FAM200B: variants seen among roughly 807,000 people sequenced by gnomAD.
FAM200B encodes the protein zinc finger BED-type containing 11.
In FAM200B, 32 loss-of-function variants were observed where a neutral mutation model predicts 33.1. The ratio of observed to expected loss-of-function variants is 0.97; its 90% confidence interval spans 0.73 to 1.30. The LOEUF (loss-of-function observed/expected upper bound fraction) is 1.30. FAM200B is among the 50% of genes most tolerant of loss of function. The pLI is 0.00. For missense variants in FAM200B, 741 were observed against 754.0 expected (o/e 0.98, Z 0.20); for synonymous variants, 240 against 264.8 (o/e 0.91, Z 0.91).
chr4:15,655,393 CGTCGGCGCGCGCGCCCGGTCG>C, the FAM200B span: 1 of 1,038,194 alleles, frequency 9.6e-7, no homozygotes, highest in South Asian at 4.5e-5. Context: ...GCGCCCGCCC[CGTCGGCGCGCGCGCCCGGTCG>C]GCTTGGCCGG....
the FAM200B span, among the ~76,000 whole-genome samples, chr4:15,659,229 A>G: frequency 1.3e-5 from 2 of 152,260 alleles, no homozygotes; most frequent in Admixed American, 6.5e-5. Flanking sequence ...GTAGGCATAC[A>G]TAGTAGGCAT....
the FAM200B span, chr4:15,656,095 C>T: frequency 1.8e-4 from 77 of 439,820 alleles, no homozygotes; most frequent in African/African-American, 1.1e-3. Context: ...TGCAGGAACG[C>T]GGGTCAGGGA....
the FAM200B span, among the ~76,000 whole-genome samples, chr4:15,641,295 A>G: frequency 1.4e-4 from 22 of 152,136 alleles, no homozygotes; most frequent in Non-Finnish European, 2.9e-4. Flanking sequence ...TTGACCCTTG[A>G]ACAACACAGG....
At chr4:15,666,506 G>A in the FAM200B span, among the ~76,000 whole-genome samples, 1 of 152,154 alleles carries the variant, frequency 6.6e-6, no homozygotes, top group Non-Finnish European at 1.5e-5. Context: ...AGAGGCTGTG[G>A]GGGTGGGAAT....
At chr4:15,671,635 T>C in the FAM200B span, among the ~76,000 whole-genome samples, 2 of 152,284 alleles carry the variant, frequency 1.3e-5, no homozygotes, top group South Asian at 2.1e-4. Context: ...TGTGGGTTTA[T>C]GGTTTCCATC....
At chr4:15,668,335 GAA>G in the FAM200B span, among the ~76,000 whole-genome samples, 3 of 151,634 alleles carry the variant, frequency 2.0e-5, no homozygotes, top group African/African-American at 7.3e-5. Context: ...AAATAATCAA[GAA>G]TGATGAAGTA....
At chr4:15,675,075 G>A in the FAM200B span, among the ~76,000 whole-genome samples, 2 of 152,232 alleles carry the variant, frequency 1.3e-5, no homozygotes, top group African/African-American at 4.8e-5. Context: ...AACACTTTAT[G>A]CATCAAAACA....
In FAM200B at chr4:15,686,751, C is replaced by T; in HGVS notation, c.-227C>T. ...AAGAAATGGTTTTCAGTCATTGATTCCTGGGTGTCTTGCTTGATTTTCATA... is the reference window on the plus strand; with the variant it reads ...AAGAAATGGTTTTCAGTCATTGATTTCTGGGTGTCTTGCTTGATTTTCATA... On this transcript the variant is annotated 5_prime_UTR_variant, in exon 2 of 2. Transcript: ENST00000422728. 2 of 300,296 alleles carry T rather than the reference C, an allele frequency of 6.7e-6. No homozygotes were observed. The highest frequency in any genetic ancestry group is 6.1e-6 in the Non-Finnish European group (1 of 162,734). The allele number at this position is 300,296 out of a possible 1,614,324, so 18.6% of individuals were successfully genotyped here.
At chr4:15,652,548 A>G in the FAM200B span, among the ~76,000 whole-genome samples, 1 of 152,220 alleles carries the variant, frequency 6.6e-6, no homozygotes, top group Non-Finnish European at 1.5e-5. Flanking sequence ...ATTGTACAGC[A>G]ATATTTAAAA....
chr4:15,683,605 T>C (rs2148854780), intron 1 of FAM200B, among the ~76,000 whole-genome samples: 1 of 152,312 alleles, frequency 6.6e-6, no homozygotes, highest in South Asian at 2.1e-4. Flanking sequence ...TTTCTTTTTT[T>C]CAGGTAGATT....
At chr4:15,673,677 T>G in the FAM200B span, among the ~76,000 whole-genome samples, 1 of 152,214 alleles carries the variant, frequency 6.6e-6, no homozygotes, top group East Asian at 1.9e-4. Flanking sequence ...TTTCCTCACA[T>G]GCATACAGTG....
the FAM200B span, chr4:15,644,347 T>C: frequency 1.2e-5 from 8 of 664,174 alleles, no homozygotes; most frequent in East Asian, 2.8e-5. Flanking sequence ...TCTTTTTAAA[T>C]AGTCTTCCTT....
At chr4:15,648,095 G>T in the FAM200B span, among the ~76,000 whole-genome samples, 1 of 152,102 alleles carries the variant, frequency 6.6e-6, no homozygotes, top group African/African-American at 2.4e-5. Context: ...GGCTTCAAGC[G>T]ATCCTCCTGA....
the FAM200B span, among the ~76,000 whole-genome samples, chr4:15,648,605 A>T: frequency 6.6e-6 from 1 of 152,262 alleles, no homozygotes; most frequent in African/African-American, 2.4e-5. Flanking sequence ...GCTAAGTGAA[A>T]TAAGCCAGAG....
At chr4:15,655,366 C>T in the FAM200B span, 88 of 1,152,426 alleles carry the variant, frequency 7.6e-5, no homozygotes, top group African/African-American at 3.9e-4. Flanking sequence ...GCAGAGGCGG[C>T]GCGCCCCCTT....
chr4:15,655,239 GC>G, the FAM200B span: 1 of 1,440,288 alleles, frequency 6.9e-7, no homozygotes, highest in Non-Finnish European at 9.3e-7. Flanking sequence ...TGCTTCATCC[GC>G]CAGTGTGGGG....
the FAM200B span, among the ~76,000 whole-genome samples, chr4:15,674,744 C>G: frequency 4.6e-5 from 7 of 151,636 alleles, no homozygotes; most frequent in Admixed American, 2.6e-4. Context: ...CCGCCTCCCA[C>G]GTTCACACTA....
chr4:15,638,602 A>G, the FAM200B span: 1 of 1,613,298 alleles, frequency 6.2e-7, no homozygotes, highest in African/African-American at 1.3e-5. Flanking sequence ...GTTCTGCAGT[A>G]TCCTTCTGAG....
the FAM200B span, among the ~76,000 whole-genome samples, chr4:15,648,772 G>C: frequency 6.6e-6 from 1 of 152,126 alleles, no homozygotes; most frequent in East Asian, 1.9e-4. Flanking sequence ...AGATGAGTAC[G>C]TTCTGGGGAT....
Sources: allele counts gnomAD v4.1 joint callset (sites outside exome capture counted in the v4.1 genomes callset), GRCh38; gene constraint gnomAD v4.1.1; transcripts MANE v1.5; gene names NCBI Gene and HGNC (gene_info 2026-07-23, HGNC 2026-07-21).